Variants in C10orf90 observed in about 807,000 individuals in gnomAD.
The protein encoded by C10orf90 is (E2-independent) E3 ubiquitin-conjugating enzyme FATS.
Under a neutral mutation model 62.5 loss-of-function variants are expected in C10orf90, and 56 were observed. The observed-to-expected ratio is 0.90, with a 90% CI of 0.72 to 1.12. The LOEUF is 1.12. Among genes scored for constraint, C10orf90 ranks in the 50% most tolerant of loss-of-function variants. The pLI, the probability that C10orf90 is intolerant of heterozygous loss-of-function variation, is 0.00. For synonymous variants in C10orf90, 386 were observed against 340.4 expected (o/e 1.13, Z -1.47); for missense variants, 970 against 880.4 (o/e 1.10, Z -1.29).
chr10:126,565,128 AATAT>A (rs1844318503), intron 2 of C10orf90, among the ~76,000 whole-genome samples: 2 of 41,402 alleles, frequency 4.8e-5, no homozygotes, highest in African/African-American at 9.5e-5. Flanking sequence ...TATAATATAT[AATAT>A]AAATATAATA....
chr10:126,553,751 G>A (rs1022960164), intron 2 of C10orf90, among the ~76,000 whole-genome samples: 14 of 152,070 alleles, frequency 9.2e-5, no homozygotes, highest in African/African-American at 1.7e-4. Flanking sequence ...TGATAGTTCC[G>A]CAGTGATGAA....
In C10orf90 at chr10:126,503,949, C is replaced by T. The variant is rs768021849; in HGVS notation, c.1534+8G>A. On this transcript the variant is annotated splice_region_variant and intron_variant, in intron 4 of 9. Coordinates refer to ENST00000488181, the MANE Select transcript of C10orf90 (RefSeq NM_001350921.2). Reference sequence around the variant, plus strand: ...GGTCACCCTCCTGCAGATGGACGCACCACTCACCTGCCCTGTAACTCCAGC... The same window carrying T: ...GGTCACCCTCCTGCAGATGGACGCATCACTCACCTGCCCTGTAACTCCAGC... 2.2e-5 allele frequency: 35 copies of T among 1,603,240 alleles called. No individual in the cohort carries two copies. Among genetic ancestry groups the T allele is most frequent in the Non-Finnish European group, 2.6e-5 (31 of 1,174,806 alleles).
intron 2 of C10orf90, among the ~76,000 whole-genome samples, chr10:126,641,671 A>T (rs1302516676): frequency 6.6e-6 from 1 of 152,090 alleles, no homozygotes; most frequent in East Asian, 1.9e-4. Flanking sequence ...AGTGATGGGG[A>T]AATGTTACAA....
intron 2 of C10orf90, among the ~76,000 whole-genome samples, chr10:126,561,932 A>G (rs1864910616): frequency 6.6e-6 from 1 of 152,368 alleles, no homozygotes; most frequent in East Asian, 1.9e-4. Context: ...TGCAAAAGCT[A>G]TGACCAGAAA....
intron 7 of C10orf90, among the ~76,000 whole-genome samples, chr10:126,445,829 A>AT: frequency 6.7e-6 from 1 of 149,912 alleles, no homozygotes; most frequent in East Asian, 2.1e-4. Flanking sequence ...ATATATATAC[A>AT]ATGGAATACT....
intron 2 of C10orf90, among the ~76,000 whole-genome samples, chr10:126,522,555 C>T (rs571458583): frequency 2.0e-5 from 3 of 152,292 alleles, no homozygotes; most frequent in Non-Finnish European, 2.9e-5. Flanking sequence ...TCAGTGTCTC[C>T]GTCATGTCAT....
chr10:126,470,163 C>T, intron 4 of C10orf90: 1 of 404,310 alleles, frequency 2.5e-6, no homozygotes, highest in Non-Finnish European at 5.0e-6. Context: ...TTGCATGCTG[C>T]AGAGGGAGAG....
intron 2 of C10orf90, among the ~76,000 whole-genome samples, chr10:126,589,633 AT>A (rs1421066236): frequency 7.9e-5 from 12 of 152,204 alleles, no homozygotes; most frequent in African/African-American, 2.4e-4. Context: ...GAGAAATAAG[AT>A]ACTTTTCAGA....
intron 2 of C10orf90, among the ~76,000 whole-genome samples, chr10:126,526,705 C>T (rs973154787): frequency 6.6e-6 from 1 of 152,148 alleles, no homozygotes; most frequent in Admixed American, 6.6e-5. Flanking sequence ...AGTCCCATAC[C>T]TGTTAGTAGC....
At chr10:126,581,028 C>T (rs533939494) in intron 2 of C10orf90, among the ~76,000 whole-genome samples, 6 of 152,184 alleles carry the variant, frequency 3.9e-5, no homozygotes, top group South Asian at 4.2e-4. Context: ...TACAAGTGTC[C>T]AACCAGAGAA....
chr10:126,466,812 G>A (rs959534309), intron 4 of C10orf90, among the ~76,000 whole-genome samples: 11 of 152,362 alleles, frequency 7.2e-5, no homozygotes, highest in Admixed American at 7.2e-4. Context: ...ACTGTTATCA[G>A]CCTTTGTCAT....
At chr10:126,540,400 T>A (rs1306019656) in intron 2 of C10orf90, among the ~76,000 whole-genome samples, 1 of 152,176 alleles carries the variant, frequency 6.6e-6, no homozygotes, top group East Asian at 1.9e-4. Flanking sequence ...GGCTCATACC[T>A]GTAATCCCAA....
intron 1 of C10orf90, among the ~76,000 whole-genome samples, chr10:126,663,345 A>G (rs768094906): frequency 2.0e-5 from 3 of 152,076 alleles, no homozygotes; most frequent in Non-Finnish European, 4.4e-5. Flanking sequence ...GCTGCCCCCG[A>G]CCCAGCACCA....
intron 2 of C10orf90, chr10:126,520,781 G>A (rs1262561654): frequency 6.5e-6 from 1 of 152,884 alleles, no homozygotes; most frequent in African/African-American, 2.4e-5. Flanking sequence ...GTCCCGTGGT[G>A]TCTGGCATCC....
chr10:126,437,799 C>A (rs1289718102), intron 7 of C10orf90, among the ~76,000 whole-genome samples: 2 of 152,200 alleles, frequency 1.3e-5, no homozygotes, highest in Non-Finnish European at 2.9e-5. Context: ...ACCATGGCAA[C>A]AAACAGGCCC....
chr10:126,610,970 A>T (rs1407015870), intron 2 of C10orf90, among the ~76,000 whole-genome samples: 11 of 152,020 alleles, frequency 7.2e-5, no homozygotes, highest in Non-Finnish European at 1.5e-5. Context: ...GTTTTTTGAC[A>T]TAATAGTTTG....
chr10:126,660,049 C>T (rs1333885235), intron 1 of C10orf90, among the ~76,000 whole-genome samples: 1 of 152,180 alleles, frequency 6.6e-6, no homozygotes, highest in Non-Finnish European at 1.5e-5. Context: ...GCTTTCAATC[C>T]CAAGGGCTCC....
At chr10:126,619,182 A>G (rs1845598519) in intron 2 of C10orf90, among the ~76,000 whole-genome samples, 1 of 152,106 alleles carries the variant, frequency 6.6e-6, no homozygotes, top group Non-Finnish European at 1.5e-5. Context: ...GTAACAATAC[A>G]TTTATCCATT....
At chr10:126,614,442 T>TA (rs1002331080) in intron 2 of C10orf90, among the ~76,000 whole-genome samples, 1 of 151,982 alleles carries the variant, frequency 6.6e-6, no homozygotes, top group African/African-American at 2.4e-5. Context: ...AGAAAAGCAT[T>TA]AAAAAAAGCC....
Sources: allele counts gnomAD v4.1 joint callset (sites outside exome capture counted in the v4.1 genomes callset), GRCh38; gene constraint gnomAD v4.1.1; transcripts MANE v1.5; gene names NCBI Gene and HGNC (gene_info 2026-07-23, HGNC 2026-07-21).